The following IQSEC1 variants were observed in gnomAD, a reference collection of about 807,000 sequenced individuals.
IQSEC1 encodes IQ motif and Sec7 domain ArfGEF 1.
In IQSEC1, 31 loss-of-function variants were observed where a neutral mutation model predicts 91.0. The ratio of observed to expected loss-of-function variants is 0.34; its 90% CI spans 0.26 to 0.46. The LOEUF (loss-of-function observed/expected upper bound fraction) is 0.46, where lower values mean the gene tolerates loss of function less well. Among genes scored for constraint, IQSEC1 ranks in the 20% least tolerant of loss-of-function variants. The probability of loss-of-function intolerance (pLI) is 1.00; values close to 1 mark genes in which losing one functional copy is unlikely to be tolerated. For synonymous variants in IQSEC1, 699 were observed against 662.6 expected (o/e 1.05, Z -0.84); for missense variants, 1,388 against 1,575.6 (o/e 0.88, Z 2.02).
intron 1 of IQSEC1, among the ~76,000 whole-genome samples, chr3:13,036,887 T>A (rs6442346): frequency 6.6e-6 from 1 of 152,042 alleles, no homozygotes. Flanking sequence ...TCCCACATCC[T>A]GAACCAGACA....
At chr3:13,149,012 A>G (rs576971445) in intron 2 of IQSEC1, among the ~76,000 whole-genome samples, 2 of 152,356 alleles carry the variant, frequency 1.3e-5, no homozygotes, top group East Asian at 3.9e-4. Flanking sequence ...TCTGGAAGGC[A>G]GCATCCCCTG....
chr3:13,056,507 T>C (rs1430858875), intron 1 of IQSEC1, among the ~76,000 whole-genome samples: 1 of 152,126 alleles, frequency 6.6e-6, no homozygotes, highest in African/African-American at 2.4e-5. Context: ...TTAGGTTTCT[T>C]ATTCCCATTT....
At chr3:12,929,609 G>A (rs1019067090) in intron 3 of IQSEC1, among the ~76,000 whole-genome samples, 1 of 152,144 alleles carries the variant, frequency 6.6e-6, no homozygotes, top group Non-Finnish European at 1.5e-5. Context: ...TCTACCCTCC[G>A]GATGCCCTTC....
At chr3:13,119,969 C>T (rs1307508455) in intron 2 of IQSEC1, among the ~76,000 whole-genome samples, 1 of 152,186 alleles carries the variant, frequency 6.6e-6, no homozygotes, top group African/African-American at 2.4e-5. Context: ...AGGTGGCCAA[C>T]GCTGGAGGTG....
At chr3:13,112,122 C>T (rs960809831) in intron 2 of IQSEC1, among the ~76,000 whole-genome samples, 3 of 152,194 alleles carry the variant, frequency 2.0e-5, no homozygotes, top group Non-Finnish European at 4.4e-5. Context: ...GCCTCCAAGG[C>T]ACCTGAACTG....
chr3:13,063,596 AGGCATTGGG>A (rs995765828), intron 1 of IQSEC1, among the ~76,000 whole-genome samples: 2 of 152,232 alleles, frequency 1.3e-5, no homozygotes, highest in Non-Finnish European at 2.9e-5. Flanking sequence ...CGGTTCTGGG[AGGCATTGGG>A]GGACAATGGA....
chr3:13,017,659 C>A (rs912279427), intron 1 of IQSEC1, among the ~76,000 whole-genome samples: 2 of 152,160 alleles, frequency 1.3e-5, no homozygotes, highest in African/African-American at 4.8e-5. Context: ...CAGTGTCAGG[C>A]ACAGAGTAGG....
chr3:13,139,763 T>C (rs165436), intron 2 of IQSEC1, among the ~76,000 whole-genome samples: 131,140 of 152,166 alleles, frequency 0.86, 56,868 homozygotes, highest in African/African-American at 0.95. Context: ...GAAACAAGGG[T>C]GTCTCCTGAT....
intron 1 of IQSEC1, among the ~76,000 whole-genome samples, chr3:13,222,926 G>A (rs1406072077): frequency 6.6e-6 from 1 of 152,270 alleles, no homozygotes; most frequent in Non-Finnish European, 1.5e-5. Flanking sequence ...GAAAGCAAGA[G>A]GCAGTGCCCA....
intron 1 of IQSEC1, among the ~76,000 whole-genome samples, chr3:12,969,245 A>G (rs1298821169): frequency 6.6e-6 from 1 of 152,040 alleles, no homozygotes; most frequent in African/African-American, 2.4e-5. Flanking sequence ...AAGGCAAATA[A>G]CCCAATTTAA....
rs747513020 is a variant in IQSEC1 at position 12,935,530 on chromosome 3, G to A, written c.1486C>T (p.Arg496Cys). ...LSKQTYHKEA[R>C]NSWDSPAFSN... ...AAGGCAGGCGAGTCCCAGCTGTTGC[G>A]GGCCTCCTTGTGGTAGGTCTGCTTG... Residue 496 changes from arginine to cysteine, a missense_variant, in exon 3 of 14, where the codon CGC becomes TGC. By Grantham distance (180) the Arg-to-Cys change is radical. This residue lies in a region of IQSEC1 where 1,059 missense variants were observed against 1,317.8 expected (regional missense o/e 0.80). Coordinates refer to ENST00000613206, the MANE Select transcript of IQSEC1 (RefSeq NM_001134382.3). The surrounding 1 kb of genome is among the most constrained non-coding windows in gnomAD (Gnocchi z 8.0). 15 of 1,614,070 alleles carry A rather than the reference G, an allele frequency of 9.3e-6. No homozygotes were observed. Among genetic ancestry groups the A allele is most frequent in the East Asian group, 4.5e-5 (2 of 44,886 alleles).
chr3:13,089,084 G>A (rs974667495), intron 2 of IQSEC1, among the ~76,000 whole-genome samples: 1 of 152,182 alleles, frequency 6.6e-6, no homozygotes, highest in Non-Finnish European at 1.5e-5. Flanking sequence ...ACTTGGCCTG[G>A]CCCACTCCTC....
intron 1 of IQSEC1, among the ~76,000 whole-genome samples, chr3:13,039,246 G>C (rs1576201869): frequency 6.6e-6 from 1 of 152,140 alleles, no homozygotes; most frequent in Admixed American, 6.5e-5. Flanking sequence ...GGCGCCCCGT[G>C]AAGATTTCTT....
chr3:13,204,014 C>T (rs375822154), intron 1 of IQSEC1, among the ~76,000 whole-genome samples: 340 of 152,338 alleles, frequency 2.2e-3, no homozygotes, highest in African/African-American at 6.5e-3. Context: ...CTCAGAATGT[C>T]CCCAGCTCCC....
intron 2 of IQSEC1, among the ~76,000 whole-genome samples, chr3:13,138,741 A>G (rs1257847830): frequency 6.6e-6 from 1 of 151,824 alleles, no homozygotes; most frequent in Non-Finnish European, 1.5e-5. Flanking sequence ...GGCAGGCAGA[A>G]CTGACTGTAT....
chr3:12,990,718 C>T (rs1253575950), intron 1 of IQSEC1, among the ~76,000 whole-genome samples: 1 of 152,138 alleles, frequency 6.6e-6, no homozygotes, highest in Non-Finnish European at 1.5e-5. Context: ...TCTGGGGCAA[C>T]CGAGCAACGC....
intron 2 of IQSEC1, among the ~76,000 whole-genome samples, chr3:13,134,588 G>A (rs758316254): frequency 1.6e-4 from 24 of 152,248 alleles, no homozygotes; most frequent in Non-Finnish European, 3.2e-4. Context: ...TGGCGTAACT[G>A]CTTTCTAGCC....
At chr3:13,133,667 C>A (rs1054909679) in intron 2 of IQSEC1, among the ~76,000 whole-genome samples, 1 of 152,190 alleles carries the variant, frequency 6.6e-6, no homozygotes, top group African/African-American at 2.4e-5. Context: ...CAAACTAGTT[C>A]AAGGTAATTT....
chr3:13,099,940 A>T (rs1706029659), intron 2 of IQSEC1, among the ~76,000 whole-genome samples: 1 of 149,728 alleles, frequency 6.7e-6, no homozygotes, highest in Non-Finnish European at 1.5e-5. Context: ...GAACAGAGGG[A>T]GGGATGGAGA....
Sources: allele counts gnomAD v4.1 joint callset (sites outside exome capture counted in the v4.1 genomes callset), GRCh38; gene constraint gnomAD v4.1.1; regional missense constraint gnomAD v4.1.1; non-coding constraint Gnocchi (gnomAD v3.1); transcripts MANE v1.5; gene names NCBI Gene and HGNC (gene_info 2026-07-23, HGNC 2026-07-21).